Variants in CTDP1 observed in about 807,000 individuals in gnomAD.
CTDP1 encodes RNA polymerase II subunit A C-terminal domain phosphatase.
Under a neutral mutation model 91.8 loss-of-function variants are expected in CTDP1, and 47 were observed. The ratio of observed to expected loss-of-function variants is 0.51; its 90% CI spans 0.41 to 0.65. The LOEUF (loss-of-function observed/expected upper bound fraction) is 0.65, where lower values mean the gene tolerates loss of function less well. CTDP1 is among the 30% of genes least tolerant of loss of function. CTDP1 has a pLI of 0.00. For missense variants in CTDP1, 1,272 were observed against 1,373.7 expected, an observed-to-expected ratio of 0.93 and a Z score of 1.17; for synonymous variants, 656 against 598.5, an observed-to-expected ratio of 1.10 and a Z score of -1.40.
chr18:79,738,227 C>T (rs2122798830), intron 12 of CTDP1, among the ~76,000 whole-genome samples: 1 of 152,358 alleles, frequency 6.6e-6, no homozygotes, highest in Non-Finnish European at 1.5e-5. Context: ...CTCCCGTCTT[C>T]AGCTCCGGGG....
intron 1 of CTDP1, among the ~76,000 whole-genome samples, chr18:79,684,114 T>C (rs1335355857): frequency 2.0e-5 from 3 of 152,222 alleles, no homozygotes; most frequent in Admixed American, 2.0e-4. Flanking sequence ...GCCATCACCT[T>C]AGTGAAGGTG....
chr18:79,742,774 A>G (rs978448368), intron 12 of CTDP1, among the ~76,000 whole-genome samples: 8 of 152,172 alleles, frequency 5.3e-5, no homozygotes, highest in Admixed American at 2.6e-4. Flanking sequence ...CCTGGCCAAC[A>G]TGGTGAAACC....
At position 79,714,682 on chromosome 18, in the gene CTDP1, C is replaced by G. The variant is rs1490103175; in HGVS notation, c.1222C>G (p.Pro408Ala). The change falls in exon 8 of 13, where the codon CCC (proline) becomes GCC (alanine). Residue 408 changes from proline to alanine, a missense_variant. Coordinates refer to ENST00000613122, the MANE Select transcript of CTDP1 (RefSeq NM_004715.5). ...PGKPDERDIW[P>A]PAQAPTSSQE... ...GAAGCCAGACGAGAGGGACATCTGGCCCCCTGCCCAGGCCCCCACCAGCAG... is the reference window on the plus strand; with the variant it reads ...GAAGCCAGACGAGAGGGACATCTGGGCCCCTGCCCAGGCCCCCACCAGCAG... 1 of 1,610,562 alleles carries G rather than the reference C, an allele frequency of 6.2e-7. No homozygotes were observed. Among genetic ancestry groups the G allele is most frequent in the South Asian group, 1.1e-5 (1 of 90,874 alleles).
intron 6 of CTDP1, among the ~76,000 whole-genome samples, chr18:79,710,986 G>C (rs1031559533): frequency 6.6e-6 from 1 of 152,090 alleles, no homozygotes; most frequent in Non-Finnish European, 1.5e-5. Context: ...CCTGGTGCTT[G>C]TGCAGGGCCC....
At position 79,679,998 on chromosome 18, in the gene CTDP1, G is replaced by A. The variant is rs1366574835; in HGVS notation, c.51G>A (p.Ala17=). 3 of 1,329,982 alleles carry A rather than the reference G, an allele frequency of 2.3e-6. No individual in the cohort carries two copies. Among genetic ancestry groups the A allele is most frequent in the African/African-American group, 1.6e-5 (1 of 64,454 alleles). 82.4% of individuals were successfully genotyped at this position (1,329,982 alleles called of 1,614,324 possible). A position where few individuals can be genotyped will look rare whatever the true frequency, so the allele number is the denominator to read the frequency against. The change falls in exon 1 of 13, where the codon GCG becomes GCA. Residue 17 remains alanine (A), a synonymous_variant. Transcript: ENST00000613122. The part of the protein sequence containing the change: ...GRVPAEGAPT[A]AVAEVRCPGP... ...TTCCTGCCGAGGGCGCCCCGACGGCGGCTGTGGCCGAGGTGCGCTGCCCGG... is the reference window on the plus strand; with the variant it reads ...TTCCTGCCGAGGGCGCCCCGACGGCAGCTGTGGCCGAGGTGCGCTGCCCGG...
Position 79,715,011 on chromosome 18 carries a change from C to T in CTDP1, c.1551C>T (p.Ala517=), listed in dbSNP as rs776517811. Residue 517 remains alanine, a synonymous_variant, in exon 8 of 13, where the codon GCC becomes GCT. Coordinates refer to ENST00000613122, the MANE Select transcript of CTDP1 (RefSeq NM_004715.5). ...CAGCACCGAGTCTCCCCGGAGAGGCCGAGCCTGGCGCGCATGCCCCGGACA... is the reference window on the plus strand; with the variant it reads ...CAGCACCGAGTCTCCCCGGAGAGGCTGAGCCTGGCGCGCATGCCCCGGACA... ...RPAAPSLPGE[A]EPGAHAPDKE... 1.3e-5 allele frequency: 20 copies of T among 1,593,108 alleles called. No individual in the cohort carries two copies. Among genetic ancestry groups the T allele is most frequent in the South Asian group, 5.7e-5 (5 of 88,292 alleles).
chr18:79,714,512 A>T lies in CTDP1; in HGVS notation c.1052A>T (p.Glu351Val), dbSNP rs1314849801. 3.1e-6 allele frequency: 5 copies of T among 1,613,142 alleles called. No individual in the cohort carries two copies. The highest frequency in any genetic ancestry group is 4.2e-6 in the Non-Finnish European group (5 of 1,180,030). Residue 351 changes from glutamate to valine, a missense_variant, in exon 8 of 13, where the codon GAG becomes GTG. Physicochemically the swap from Glu to Val is moderately radical, Grantham distance 121 (BLOSUM62 -2). This residue lies in a region of CTDP1 where 881 missense variants were observed against 911.6 expected (regional missense o/e 0.97). Transcript: ENST00000613122. Reference sequence around the variant, plus strand: ...TTAGTAAATCATTCTCGAGGCACTGAGGTCTCAGAGCCATCTCCGCCCGTG... The same window carrying T: ...TTAGTAAATCATTCTCGAGGCACTGTGGTCTCAGAGCCATCTCCGCCCGTG... The part of the protein sequence containing the change: ...RKKVNHSRGT[E>V]VSEPSPPVRD...
At chr18:79,724,957 G>A (rs2086415938) in intron 10 of CTDP1, among the ~76,000 whole-genome samples, 2 of 152,188 alleles carry the variant, frequency 1.3e-5, no homozygotes, top group Non-Finnish European at 1.5e-5. Context: ...TGGGTTTTCT[G>A]CCCGTAGATG....
chr18:79,732,299 T>C (rs1028829402), intron 11 of CTDP1, among the ~76,000 whole-genome samples: 4 of 145,080 alleles, frequency 2.8e-5, no homozygotes, highest in African/African-American at 5.2e-5. Context: ...TCAGGAGTGC[T>C]CCCAAAATCA....
Position 79,680,190 on chromosome 18 carries a change from C to G in CTDP1, c.243C>G (p.Arg81=), listed in dbSNP as rs1302565338. 7.2e-7 allele frequency: 1 copy of G among 1,382,416 alleles called. No homozygotes were observed. Among genetic ancestry groups the G allele is most frequent in the Admixed American group, 3.4e-5 (1 of 29,402 alleles). The allele number at this position is 1,382,416 out of a possible 1,614,324, so 85.6% of individuals were successfully genotyped here. The change falls in exon 1 of 13, where the codon CGC becomes CGG. Residue 81 remains arginine (R), a synonymous_variant. Coordinates refer to ENST00000613122, the MANE Select transcript of CTDP1 (RefSeq NM_004715.5). ...GGCVRPARPE[R]RLRSERAGVV... ...GCGTGCGCCCCGCGCGGCCGGAACG[C>G]AGGCTGAGGTCGGAGCGCGCGGGCG... is the stretch of plus-strand genomic sequence containing the variant.
At chr18:79,697,743 G>A in intron 3 of CTDP1, 117 bp from the exon 4 acceptor site, 1 of 1,478,848 alleles carries the variant, frequency 6.8e-7, no homozygotes, top group South Asian at 1.2e-5. Flanking sequence ...AGTCCATGGA[G>A]CGTGGGGGGC....
At chr18:79,733,650 G>A (rs546524998) in intron 11 of CTDP1, among the ~76,000 whole-genome samples, 5 of 152,210 alleles carry the variant, frequency 3.3e-5, no homozygotes, top group Admixed American at 1.3e-4. Flanking sequence ...CTCCAGCTGC[G>A]TTACCTCGTT....
intron 10 of CTDP1, among the ~76,000 whole-genome samples, chr18:79,723,112 C>T (rs1434726935): frequency 1.3e-5 from 2 of 152,242 alleles, no homozygotes; most frequent in African/African-American, 4.8e-5. Flanking sequence ...GCGTGGTCTC[C>T]TGCAGCCACC....
chr18:79,690,113 A>G (rs2085588997), intron 1 of CTDP1, among the ~76,000 whole-genome samples: 2 of 152,198 alleles, frequency 1.3e-5, no homozygotes, highest in South Asian at 4.1e-4. Context: ...TACACTCAGA[A>G]TGTTGGAACT....
chr18:79,755,972 A>T (rs2122935979), downstream of CTDP1: 1 of 152,374 alleles, frequency 6.6e-6, no homozygotes, highest in Middle Eastern at 3.4e-3. Flanking sequence ...TCGAGTGAAC[A>T]GAGCATGCAG....
intron 4 of CTDP1, among the ~76,000 whole-genome samples, chr18:79,702,499 G>A (rs376250655): frequency 5.3e-5 from 8 of 152,020 alleles, no homozygotes; most frequent in East Asian, 1.9e-4. Context: ...TCAGCCTCCC[G>A]AGTAGCTGGG....
At position 79,680,158 on chromosome 18, in the gene CTDP1, G is replaced by C. The variant is rs1419680044; in HGVS notation, c.211G>C (p.Gly71Arg). 5.0e-6 allele frequency: 7 copies of C among 1,397,796 alleles called. No homozygotes were observed. The East Asian group carries it at 1.6e-4, about 31-fold the overall frequency. 86.6% of individuals were successfully genotyped at this position (1,397,796 alleles called of 1,614,324 possible). ...GGCCTCTCAGTCCCGTGTAGCCTCC[G>C]GGGGCTGCGTGCGCCCCGCGCGGCC... The part of the protein sequence containing the change: ...SGASQSRVAS[G>R]GCVRPARPER... The change falls in exon 1 of 13, where the codon GGG (glycine) becomes CGG (arginine). Residue 71 changes from glycine to arginine, a missense_variant. Transcript: ENST00000613122.
chr18:79,700,092 A>G (rs985483450), intron 4 of CTDP1, among the ~76,000 whole-genome samples: 1 of 152,084 alleles, frequency 6.6e-6, no homozygotes, highest in African/African-American at 2.4e-5. Flanking sequence ...TGCTCCACCA[A>G]CTGGCCATTC....
chr18:79,721,142 G>A (rs2122684196), intron 10 of CTDP1, among the ~76,000 whole-genome samples: 1 of 152,304 alleles, frequency 6.6e-6, no homozygotes, highest in African/African-American at 2.4e-5. Flanking sequence ...CTCCTACCCT[G>A]GAGCCGCTCA....
Sources: gnomAD v4.1 joint callset for allele counts (sites outside exome capture counted in the v4.1 genomes callset) on GRCh38, gnomAD v4.1.1 for gene constraint, gnomAD v4.1.1 regional missense constraint, MANE v1.5 for transcripts, NCBI Gene and HGNC (gene_info 2026-07-23, HGNC 2026-07-21) for gene names.